TRMT10A: variants seen among roughly 807,000 people sequenced by gnomAD.
TRMT10A encodes the protein tRNA methyltransferase 10 homolog A.
TRMT10A carries 37 observed loss-of-function variants against 40.4 expected under a neutral mutation model. That is an observed-to-expected ratio of 0.92 (90% confidence interval 0.71 to 1.21). TRMT10A has a LOEUF of 1.21. TRMT10A is among the 50% of genes most tolerant of loss of function. The pLI is 0.00. For synonymous variants in TRMT10A, 103 were observed against 134.1 expected, an observed-to-expected ratio of 0.77 and a Z score of 1.60; for missense variants, 388 against 404.3, an observed-to-expected ratio of 0.96 and a Z score of 0.35.
intron 1 of TRMT10A, among the ~76,000 whole-genome samples, chr4:99,559,571 C>T (rs6841282): frequency 0.11 from 17,352 of 151,610 alleles, 192 homozygotes; most frequent in South Asian, 0.19. Flanking sequence ...GTTTCATATA[C>T]TACTGGTGGT....
intron 6 of TRMT10A, 58 bp from the exon 7 acceptor site, chr4:99,551,048 A>G: frequency 8.4e-7 from 1 of 1,196,944 alleles, no homozygotes; most frequent in Non-Finnish European, 1.2e-6. Context: ...AGTTTCTGTA[A>G]TAGTATAAAT....
intron 5 of TRMT10A, among the ~76,000 whole-genome samples, chr4:99,554,982 T>C (rs1724110975): frequency 6.6e-6 from 1 of 152,114 alleles, no homozygotes; most frequent in Admixed American, 6.5e-5. Flanking sequence ...GCAAAAGAAC[T>C]CTCTCCTAAA....
chr4:99,560,327 A>C (rs374871082), intron 1 of TRMT10A, among the ~76,000 whole-genome samples: 10 of 152,282 alleles, frequency 6.6e-5, no homozygotes, highest in Admixed American at 3.9e-4. Flanking sequence ...AAAAGAACAG[A>C]ATCAGTGAAA....
rs2110186644 is a variant in TRMT10A, at chr4:99,553,861, G to A, written c.569C>T (p.Ser190Leu). The A allele has an allele frequency of 1.9e-6, 3 of 1,613,458 alleles. No homozygotes were observed. The highest frequency in any genetic ancestry group is 2.5e-6 in the Non-Finnish European group (3 of 1,179,692). ...KEDLIYLTSD[S>L]PNILKELDES... ...ATCTAATTCCTTCAGTATATTAGGT[G>A]AATCTGACGTAAGGTAAATCAGGTC... The change falls in exon 6 of 8, where the codon TCA (serine) becomes TTA (leucine). Residue 190 changes from serine (S) to leucine (L), a missense_variant. Coordinates refer to ENST00000394876, the MANE Select transcript of TRMT10A (RefSeq NM_001134665.3).
At position 99,550,953 on chromosome 4, in the gene TRMT10A, T is replaced by C. The variant is rs137989992; in HGVS notation, c.683A>G (p.Asn228Ser). The C allele has an allele frequency of 1.1e-4, 183 of 1,612,774 alleles. No individual in the cohort carries two copies. Among genetic ancestry groups the C allele is most frequent in the Non-Finnish European group, 1.4e-4 (170 of 1,179,432 alleles). The change falls in exon 7 of 8, where the codon AAT (asparagine) becomes AGT (serine). Residue 228 changes from asparagine (N) to serine (S), a missense_variant. Coordinates refer to ENST00000394876, the MANE Select transcript of TRMT10A (RefSeq NM_001134665.3). The part of the protein sequence containing the change: ...TYKQASDYGI[N>S]HAQLPLGNFV... ...ATTTCCAAGTGGGAGCTGTGCATGA[T>C]TGATTCCATAATCTGACGCTTGTTT...
At chr4:99,561,474 C>A (rs1480344186) in intron 1 of TRMT10A, among the ~76,000 whole-genome samples, 2 of 150,710 alleles carry the variant, frequency 1.3e-5, no homozygotes, top group Non-Finnish European at 3.0e-5. Flanking sequence ...AAAACTATTC[C>A]TAACTAAGAA....
chr4:99,557,649 G>C (rs1436242589), intron 3 of TRMT10A: 2 of 439,464 alleles, frequency 4.6e-6, no homozygotes, highest in Non-Finnish European at 8.0e-6. Context: ...TATTTAAAAT[G>C]CTAGTTCATG....
intron 6 of TRMT10A, among the ~76,000 whole-genome samples, chr4:99,553,045 G>A (rs1330431771): frequency 6.6e-6 from 1 of 152,064 alleles, no homozygotes; most frequent in Admixed American, 6.6e-5. Flanking sequence ...AAGGCTAAAA[G>A]ATCATTCTGA....
intron 6 of TRMT10A, 111 bp downstream of exon 6, chr4:99,553,674 A>G: frequency 1.9e-6 from 2 of 1,066,028 alleles, no homozygotes; most frequent in Non-Finnish European, 2.6e-6. Flanking sequence ...ACTGACATAT[A>G]GTAGGCACTC....
chr4:99,555,444 C>G (rs1724127598), intron 5 of TRMT10A, among the ~76,000 whole-genome samples: 1 of 152,114 alleles, frequency 6.6e-6, no homozygotes, highest in Admixed American at 6.5e-5. Context: ...GTCACCTTTA[C>G]CAATGACTGA....
At position 99,549,016 on chromosome 4, in the gene TRMT10A, C is replaced by T; in HGVS notation, c.*72G>A. The T allele has an allele frequency of 2.9e-6, 4 of 1,394,066 alleles. 1 individual carries two copies. In the South Asian group the frequency reaches 7.5e-5, roughly 26 times the overall value. The allele number at this position is 1,394,066 out of a possible 1,614,324, so 86.4% of individuals were successfully genotyped here. On this transcript the variant is annotated 3_prime_UTR_variant, in exon 8 of 8. Coordinates refer to ENST00000394876, the MANE Select transcript of TRMT10A (RefSeq NM_001134665.3). Reference sequence around the variant, plus strand: ...AATAAGAGAAAATAAAATGTTCTTCCAATTTCAATATTCTATATAGCACCT... The same window carrying T: ...AATAAGAGAAAATAAAATGTTCTTCTAATTTCAATATTCTATATAGCACCT...
intron 1 of TRMT10A, among the ~76,000 whole-genome samples, chr4:99,560,744 T>C (rs1051296324): frequency 3.9e-5 from 6 of 152,104 alleles, no homozygotes; most frequent in Non-Finnish European, 8.8e-5. Context: ...CACAATACAT[T>C]AAATAAAATT....
chr4:99,559,013 G>A (rs909618701), intron 2 of TRMT10A, 141 bp downstream of exon 2: 40 of 896,632 alleles, frequency 4.5e-5, no homozygotes, highest in Admixed American at 1.2e-4. Flanking sequence ...CTTCTCTTGC[G>A]TTTTTCTTTA....
At chr4:99,562,583 T>C (rs1447063700) in intron 1 of TRMT10A, among the ~76,000 whole-genome samples, 1 of 132,158 alleles carries the variant, frequency 7.6e-6, no homozygotes, top group African/African-American at 3.0e-5. Context: ...TGGAGTGCAG[T>C]GGCGCAATCT....
chr4:99,563,733 G>A (rs547278774), intron 1 of TRMT10A, 180 bp downstream of exon 1: 32 of 403,336 alleles, frequency 7.9e-5, no homozygotes, highest in Non-Finnish European at 1.5e-4. Context: ...GGCCGCGGGG[G>A]GCGCCTGTCA....
chr4:99,561,072 T>G (rs928658248), intron 1 of TRMT10A, among the ~76,000 whole-genome samples: 2 of 151,932 alleles, frequency 1.3e-5, no homozygotes, highest in African/African-American at 2.4e-5. Flanking sequence ...GTTCAGGCGA[T>G]TCTACTGCCT....
At position 99,562,201 on chromosome 4, in the gene TRMT10A, A is replaced by ATATATATGTGTG. The variant is rs374134499; in HGVS notation, c.-24+1711_-24+1712insCACACATATATA. ...AAAAAAAAAAATTATATATATATAT[A>ATATATATGTGTG]TGTGTGTGTGTGTGTGTGTGTGTGT... On this transcript the variant is annotated intron_variant, in intron 1 of 7. Transcript: ENST00000394876. Among the ~76,000 whole-genome samples, 265 of 136,176 alleles carry ATATATATGTGTG rather than the reference A, an allele frequency of 1.9e-3. 1 individual carries two copies. Among genetic ancestry groups the ATATATATGTGTG allele is most frequent in the African/African-American group, 7.0e-3 (247 of 35,074 alleles). 89.3% of individuals were successfully genotyped at this position (136,176 alleles called of 152,430 possible). A position where few individuals can be genotyped will look rare whatever the true frequency, so the allele number is the denominator to read the frequency against.
At chr4:99,561,278 T>C (rs1447172787) in intron 1 of TRMT10A, among the ~76,000 whole-genome samples, 2 of 152,076 alleles carry the variant, frequency 1.3e-5, no homozygotes, top group Non-Finnish European at 2.9e-5. Flanking sequence ...GTGAAGACTT[T>C]TTAAAGAGCA....
chr4:99,558,466 T>G (rs1724256110), intron 2 of TRMT10A, among the ~76,000 whole-genome samples: 1 of 152,100 alleles, frequency 6.6e-6, no homozygotes, highest in African/African-American at 2.4e-5. Context: ...CTGAATAGTT[T>G]CATTTGTTAT....
Sources: gnomAD v4.1 joint callset for allele counts (sites outside exome capture counted in the v4.1 genomes callset) on GRCh38, gnomAD v4.1.1 for gene constraint, MANE v1.5 for transcripts, NCBI Gene and HGNC (gene_info 2026-07-23, HGNC 2026-07-21) for gene names.